Variants in ROR1 observed in about 807,000 individuals in gnomAD.
ROR1 encodes inactive tyrosine-protein kinase transmembrane receptor ROR1.
Under a neutral mutation model 78.8 loss-of-function variants are expected in ROR1, and 19 were observed. The observed-to-expected ratio is 0.24, with a 90% confidence interval of 0.17 to 0.35. The LOEUF is 0.35. ROR1 is among the 10% of genes least tolerant of loss of function. ROR1 has a pLI of 1.00. For synonymous variants in ROR1, 386 were observed against 433.6 expected (o/e 0.89, Z 1.36); for missense variants, 917 against 1,177.8 (o/e 0.78, Z 3.24).
intron 1 of ROR1, among the ~76,000 whole-genome samples, chr1:63,820,941 G>T (rs1275752558): frequency 1.3e-5 from 2 of 152,170 alleles, no homozygotes; most frequent in Non-Finnish European, 2.9e-5. Context: ...AGCCCTTCCA[G>T]CAATTGTGGT....
chr1:64,007,291 G>A (rs1235681929), intron 1 of ROR1, among the ~76,000 whole-genome samples: 2 of 151,888 alleles, frequency 1.3e-5, no homozygotes, highest in African/African-American at 4.8e-5. Flanking sequence ...GAAGTAGGAG[G>A]GATTGACAAC....
chr1:64,056,677 A>C (rs79091229), intron 4 of ROR1, among the ~76,000 whole-genome samples: 1 of 98,122 alleles, frequency 1.0e-5, no homozygotes, highest in Non-Finnish European at 2.1e-5. Context: ...CTCTATCTCC[A>C]AAAAAAAAAA....
chr1:64,132,359 G>A (rs1557667052), intron 4 of ROR1, among the ~76,000 whole-genome samples: 2 of 152,226 alleles, frequency 1.3e-5, no homozygotes, highest in East Asian at 3.9e-4. Context: ...GTGCTGCTCT[G>A]CACATTTGTG....
intron 1 of ROR1, among the ~76,000 whole-genome samples, chr1:63,819,452 G>A (rs1644911745): frequency 6.6e-6 from 1 of 152,126 alleles, no homozygotes; most frequent in Non-Finnish European, 1.5e-5. Flanking sequence ...GTGATCTTGA[G>A]CAAGTCACAT....
At chr1:63,855,863 C>T (rs1188113916) in intron 1 of ROR1, among the ~76,000 whole-genome samples, 4 of 151,324 alleles carry the variant, frequency 2.6e-5, no homozygotes, top group Admixed American at 1.3e-4. Context: ...TTCACCATGT[C>T]GGCCAGGATG....
intron 2 of ROR1, among the ~76,000 whole-genome samples, chr1:64,038,197 C>T (rs532320047): frequency 6.6e-6 from 1 of 152,316 alleles, no homozygotes; most frequent in East Asian, 1.9e-4. Flanking sequence ...CTCGCCTCCC[C>T]TAAATGCCTG....
At chr1:63,797,481 A>C (rs1644767945) in intron 1 of ROR1, among the ~76,000 whole-genome samples, 1 of 152,164 alleles carries the variant, frequency 6.6e-6, no homozygotes, top group Non-Finnish European at 1.5e-5. Flanking sequence ...AGTCCGGAGG[A>C]CTTTCAAAAG....
At chr1:63,863,028 T>C (rs1202686658) in intron 1 of ROR1, among the ~76,000 whole-genome samples, 1 of 152,190 alleles carries the variant, frequency 6.6e-6, no homozygotes, top group East Asian at 1.9e-4. Flanking sequence ...TTAGAAAAGT[T>C]AGATGCTTGT....
At chr1:63,991,935 T>C (rs1646299526) in intron 1 of ROR1, among the ~76,000 whole-genome samples, 1 of 152,192 alleles carries the variant, frequency 6.6e-6, no homozygotes, top group South Asian at 2.1e-4. Flanking sequence ...TGATTCAGTG[T>C]GGAGAACATA....
intron 1 of ROR1, among the ~76,000 whole-genome samples, chr1:63,981,907 C>G (rs926401394): frequency 6.6e-6 from 1 of 152,146 alleles, no homozygotes; most frequent in Non-Finnish European, 1.5e-5. Context: ...ATCAAGCCCA[C>G]TCAGCCCAAT....
At chr1:64,080,352 C>T (rs952956363) in intron 4 of ROR1, among the ~76,000 whole-genome samples, 1 of 152,162 alleles carries the variant, frequency 6.6e-6, no homozygotes, top group African/African-American at 2.4e-5. Flanking sequence ...GACAGCCGCT[C>T]TCAACAAAGA....
At chr1:63,925,450 C>T (rs1035087765) in intron 1 of ROR1, among the ~76,000 whole-genome samples, 10 of 151,900 alleles carry the variant, frequency 6.6e-5, no homozygotes, top group East Asian at 1.9e-4. Context: ...TTTTTGCTAT[C>T]GTGAATAATG....
chr1:64,104,444 T>A (rs1394572241), intron 4 of ROR1, among the ~76,000 whole-genome samples: 1 of 152,106 alleles, frequency 6.6e-6, no homozygotes, highest in African/African-American at 2.4e-5. Flanking sequence ...CAATATAGCA[T>A]GAAGTCATAT....
In ROR1 at chr1:64,177,583, C is replaced by T. The variant is rs1248712459; in HGVS notation, c.1542C>T (p.Pro514=). The T allele has an allele frequency of 1.2e-6, 2 of 1,614,170 alleles. No individual in the cohort carries two copies. The highest frequency in any genetic ancestry group is 2.2e-5 in the South Asian group (2 of 91,086). The change falls in exon 9 of 9, where the codon CCC becomes CCT. Residue 514 remains proline, a synonymous_variant. Coordinates refer to ENST00000371079, the MANE Select transcript of ROR1 (RefSeq NM_005012.4). ...AIKTLKDYNN[P]QQWTEFQQEA... is the part of the protein sequence containing the mutation. ...AGACCTTGAAAGACTATAACAACCCCCAGCAATGGACGGAATTTCAACAAG... is the reference window on the plus strand; with the variant it reads ...AGACCTTGAAAGACTATAACAACCCTCAGCAATGGACGGAATTTCAACAAG...
intron 7 of ROR1, among the ~76,000 whole-genome samples, chr1:64,150,349 G>T (rs1287225698): frequency 6.6e-6 from 1 of 152,064 alleles, no homozygotes; most frequent in Non-Finnish European, 1.5e-5. Context: ...GCAACAATTT[G>T]CCAAAGGGCG....
chr1:63,921,998 A>G (rs1354173387), intron 1 of ROR1, among the ~76,000 whole-genome samples: 1 of 152,176 alleles, frequency 6.6e-6, no homozygotes, highest in Non-Finnish European at 1.5e-5. Context: ...TGTCTCTCTG[A>G]GGGCTTGTTA....
chr1:63,818,841 G>A (rs899187884), intron 1 of ROR1, among the ~76,000 whole-genome samples: 1 of 152,140 alleles, frequency 6.6e-6, no homozygotes, highest in Non-Finnish European at 1.5e-5. Flanking sequence ...CTAATTTACA[G>A]ATGAGCAAAC....
chr1:63,893,720 A>G (rs1386702791), intron 1 of ROR1, among the ~76,000 whole-genome samples: 1 of 152,118 alleles, frequency 6.6e-6, no homozygotes, highest in African/African-American at 2.4e-5. Context: ...AGTATCGGTA[A>G]TCTCTGGATG....
chr1:64,124,270 T>C (rs934497028), intron 4 of ROR1, among the ~76,000 whole-genome samples: 3 of 152,226 alleles, frequency 2.0e-5, no homozygotes, highest in Non-Finnish European at 4.4e-5. Flanking sequence ...TGGGGTATCT[T>C]ATAAGAATGT....
Sources: allele counts gnomAD v4.1 joint callset (sites outside exome capture counted in the v4.1 genomes callset), GRCh38; gene constraint gnomAD v4.1.1; transcripts MANE v1.5; gene names NCBI Gene and HGNC (gene_info 2026-07-23, HGNC 2026-07-21).